Variants in CCDC33 observed in about 807,000 individuals in gnomAD.
CCDC33 encodes the protein coiled-coil domain-containing protein 33.
CCDC33 carries 94 observed loss-of-function variants against 91.9 expected under a neutral mutation model. The observed-to-expected ratio is 1.02, with a 90% confidence interval of 0.87 to 1.21. The LOEUF is 1.21. Among genes scored for constraint, CCDC33 ranks in the 50% most tolerant of loss-of-function variants. The probability of loss-of-function intolerance (pLI) is 0.00; values close to 1 mark genes in which losing one functional copy is unlikely to be tolerated. For synonymous variants in CCDC33, 396 were observed against 374.5 expected (o/e 1.06, Z -0.66); for missense variants, 940 against 935.5 (o/e 1.00, Z -0.06).
chr15:74,331,007 C>A lies in CCDC33; in HGVS notation c.1572C>A (p.Leu524=). ...AGAATGATCGAGAGAAGGAGCTGCT[C>A]CTTCTGTATCAGGCCCAGCAGCCAC... ...IRKNDREKEL[L]LLYQAQQPQA... is the part of the protein sequence containing the mutation. The change falls in exon 14 of 19, where the codon CTC becomes CTA. Residue 524 remains leucine (L), a synonymous_variant. Transcript: ENST00000398814. The A allele has an allele frequency of 6.2e-7, 1 of 1,604,214 alleles. No homozygotes were observed. The highest frequency in any genetic ancestry group is 1.1e-5 in the South Asian group (1 of 89,424).
intron 2 of CCDC33, among the ~76,000 whole-genome samples, chr15:74,220,926 T>TTAGGAA (rs1378129764): frequency 6.6e-6 from 1 of 152,180 alleles, no homozygotes; most frequent in Admixed American, 6.5e-5. Flanking sequence ...GGCACCTTTC[T>TTAGGAA]GGTGCTGCTA....
intron 11 of CCDC33, among the ~76,000 whole-genome samples, chr15:74,304,866 T>G (rs1384247189): frequency 1.3e-5 from 2 of 151,840 alleles, no homozygotes; most frequent in Non-Finnish European, 2.9e-5. Flanking sequence ...GTGCCCCAGA[T>G]CCCAAGCTCC....
chr15:74,296,128 G>T (rs182592428), intron 11 of CCDC33, among the ~76,000 whole-genome samples, 180 bp downstream of exon 11: 1 of 152,216 alleles, frequency 6.6e-6, no homozygotes, highest in African/African-American at 2.4e-5. Flanking sequence ...TGGCTTCTTC[G>T]TTTGCAGGGT....
At chr15:74,266,019 G>A (rs773388849) in intron 3 of CCDC33, among the ~76,000 whole-genome samples, 4 of 152,188 alleles carry the variant, frequency 2.6e-5, no homozygotes, top group Non-Finnish European at 5.9e-5. Flanking sequence ...GTGAGACGCT[G>A]TCTCAAAAGA....
chr15:74,263,488 G>A (rs2076082864), intron 3 of CCDC33, among the ~76,000 whole-genome samples: 1 of 152,228 alleles, frequency 6.6e-6, no homozygotes, highest in African/African-American at 2.4e-5. Context: ...TGAAGACTAT[G>A]GGAGAGGAGA....
At chr15:74,269,291 C>G (rs2076251456) in intron 5 of CCDC33, among the ~76,000 whole-genome samples, 1 of 151,876 alleles carries the variant, frequency 6.6e-6, no homozygotes, top group Non-Finnish European at 1.5e-5. Flanking sequence ...CATGGCTGAT[C>G]TGTTCCTATC....
upstream of CCDC33, chr15:74,236,200 C>T (rs912674638): frequency 6.5e-6 from 1 of 152,772 alleles, no homozygotes; most frequent in East Asian, 1.9e-4. Flanking sequence ...GAACACAGCT[C>T]CAGGAATAGG....
intron 2 of CCDC33, among the ~76,000 whole-genome samples, chr15:74,211,308 T>C (rs1364886685): frequency 6.6e-6 from 1 of 151,858 alleles, no homozygotes; most frequent in Non-Finnish European, 1.5e-5. Context: ...ATTGCAGGAT[T>C]GGGACACACC....
At chr15:74,204,614 G>A (rs183717689) in intron 1 of CCDC33, among the ~76,000 whole-genome samples, 118 of 152,312 alleles carry the variant, frequency 7.7e-4, no homozygotes, top group Middle Eastern at 6.8e-3. Flanking sequence ...CAGTGTCAGG[G>A]GTTAGACATC....
chr15:74,289,007 C>T lies in CCDC33; in HGVS notation c.1096-6747C>T, dbSNP rs569460795. The stretch of plus-strand genomic sequence containing the variant: ...GCTCGGTAAAGGGATCTCTTAGTGT[C>T]TTTCACCCAGGTTTCTGACAAACAT... On this transcript the variant is annotated intron_variant, in intron 10 of 18. Coordinates refer to ENST00000398814, the MANE Select transcript of CCDC33 (RefSeq NM_025055.5). 5.9e-5 allele frequency among the ~76,000 whole-genome samples: 9 copies of T among 152,304 alleles called. No individual in the cohort carries two copies. In the South Asian group the frequency reaches 1.9e-3, roughly 32 times the overall value.
chr15:74,273,350 A>G (rs1566988880), intron 7 of CCDC33, among the ~76,000 whole-genome samples: 1 of 152,244 alleles, frequency 6.6e-6, no homozygotes, highest in Non-Finnish European at 1.5e-5. Flanking sequence ...AAAGTCCTGG[A>G]AATAGATAGT....
rs2059367706 is a variant in CCDC33, at chr15:74,281,712, G to A, written c.1024-66G>A. The stretch of plus-strand genomic sequence containing the variant: ...ACACCTTCCAGAGAAATCTAGAACA[G>A]TAGGTGGGGCAGAGGCGGAAGCTGC... On this transcript the variant is annotated intron_variant, in intron 9 of 18. Transcript: ENST00000398814. 5.1e-6 allele frequency: 7 copies of A among 1,379,886 alleles called. No individual in the cohort carries two copies. In the East Asian group the frequency reaches 1.4e-4, roughly 27 times the overall value. 85.5% of individuals were successfully genotyped at this position (1,379,886 alleles called of 1,614,324 possible). A position where few individuals can be genotyped will look rare whatever the true frequency, so the allele number is the denominator to read the frequency against.
chr15:74,287,574 CA>C (rs1225259940), intron 10 of CCDC33, among the ~76,000 whole-genome samples: 1 of 152,142 alleles, frequency 6.6e-6, no homozygotes, highest in Non-Finnish European at 1.5e-5. Flanking sequence ...GTAATCCCAG[CA>C]CTTTGGGAGG....
chr15:74,330,483 T>G lies in CCDC33; in HGVS notation c.1456+129T>G, dbSNP rs2060407998. 5.9e-6 allele frequency: 7 copies of G among 1,179,036 alleles called. No homozygotes were observed. The East Asian group carries it at 1.8e-4, about 30-fold the overall frequency. 73.0% of individuals were successfully genotyped at this position (1,179,036 alleles called of 1,614,324 possible). On this transcript the variant is annotated intron_variant, in intron 12 of 18. Transcript: ENST00000398814. ...CTGGACTCTGGCAAATAGGAGCCCC[T>G]CGCCCACAGACACTCACACAGTCCC... is the stretch of plus-strand genomic sequence containing the variant.
chr15:74,296,351 A>G (rs1397503473), intron 11 of CCDC33, among the ~76,000 whole-genome samples: 1 of 152,166 alleles, frequency 6.6e-6, no homozygotes, highest in Non-Finnish European at 1.5e-5. Context: ...CCAGCTGGGC[A>G]CGGTGGCTCA....
chr15:74,256,091 T>C (rs2142339822), intron 2 of CCDC33, among the ~76,000 whole-genome samples: 1 of 152,266 alleles, frequency 6.6e-6, no homozygotes, highest in African/African-American at 2.4e-5. Flanking sequence ...GTGAACAGTC[T>C]AGTAGTGGTG....
At chr15:74,320,814 G>A (rs1036375125) in intron 11 of CCDC33, among the ~76,000 whole-genome samples, 2 of 152,318 alleles carry the variant, frequency 1.3e-5, no homozygotes, top group South Asian at 2.1e-4. Context: ...AGCCAATGAG[G>A]CTCTCAGTCC....
Position 74,313,415 on chromosome 15 carries a change from C to CTTT in CCDC33, c.1291-16755_1291-16753dup, listed in dbSNP as rs35519774. Among the ~76,000 whole-genome samples, 157 of 94,128 alleles carry CTTT rather than the reference C, an allele frequency of 1.7e-3. 1 individual carries two copies. Among genetic ancestry groups the CTTT allele is most frequent in the Non-Finnish European group, 2.3e-3 (119 of 52,182 alleles). 61.8% of individuals were successfully genotyped at this position (94,128 alleles called of 152,430 possible). On this transcript the variant is annotated intron_variant, in intron 11 of 18. Coordinates refer to ENST00000398814, the MANE Select transcript of CCDC33 (RefSeq NM_025055.5). ...CACAGATTTCTTTCTTTCTTTCTTTCTTTTTTTTTTTTTTTTTTTTTGAGA... is the reference window on the plus strand; with the variant it reads ...CACAGATTTCTTTCTTTCTTTCTTTCTTTTTTTTTTTTTTTTTTTTTTTTGAGA...
At chr15:74,312,525 T>C (rs1426923549) in intron 11 of CCDC33, among the ~76,000 whole-genome samples, 8 of 152,192 alleles carry the variant, frequency 5.3e-5, no homozygotes, top group Admixed American at 5.2e-4. Flanking sequence ...CCCTGCTCCC[T>C]GCCCTGCCCC....
Sources: allele counts gnomAD v4.1 joint callset (sites outside exome capture counted in the v4.1 genomes callset), GRCh38; gene constraint gnomAD v4.1.1; transcripts MANE v1.5; gene names NCBI Gene and HGNC (gene_info 2026-07-23, HGNC 2026-07-21).